The following LIMS1 variants were observed in gnomAD, a reference collection of about 807,000 sequenced individuals.
LIMS1 encodes LIM zinc finger domain containing 1, also known as LIM and senescent cell antigen-like-containing domain protein 1.
A neutral mutation model predicts 44.1 loss-of-function variants in LIMS1; 18 were observed. The observed-to-expected ratio is 0.41, with a 90% CI of 0.28 to 0.61. The LOEUF (loss-of-function observed/expected upper bound fraction) is 0.61, where lower values mean the gene tolerates loss of function less well. Ranked by LOEUF, LIMS1 falls within the 20% of genes least tolerant of loss-of-function variation. The pLI is 0.32. For missense variants in LIMS1, 201 were observed against 422.0 expected (o/e 0.48, Z 4.59); for synonymous variants, 93 against 149.1 (o/e 0.62, Z 2.74).
At position 108,680,365 on chromosome 2, in the gene LIMS1, CAAAAAAA is replaced by C. The variant is rs35982119; in HGVS notation, c.824-314_824-308del. Among the ~76,000 whole-genome samples, 111 of 68,210 alleles carry C rather than the reference CAAAAAAA, an allele frequency of 1.6e-3. No individual in the cohort carries two copies. In the East Asian group the frequency reaches 0.029, roughly 18 times the overall value. 44.7% of individuals were successfully genotyped at this position (68,210 alleles called of 152,430 possible). A position where few individuals can be genotyped will look rare whatever the true frequency, so the allele number is the denominator to read the frequency against. On this transcript the variant is annotated intron_variant, in intron 8 of 9. Transcript: ENST00000544547. ...CTGGCAACAGAGCGAGATTCCGTCT[CAAAAAAA>C]AAAAAAAAAAAAAAATTAGCCAGGT...
intron 8 of LIMS1, chr2:108,678,300 C>T: frequency 1.8e-6 from 1 of 563,188 alleles, no homozygotes; most frequent in East Asian, 3.3e-5. Flanking sequence ...ACCCTAAGAC[C>T]TGTTTGTGTC....
At chr2:108,642,214 C>T (rs957694798) in intron 1 of LIMS1, among the ~76,000 whole-genome samples, 1 of 151,876 alleles carries the variant, frequency 6.6e-6, no homozygotes, top group Non-Finnish European at 1.5e-5. Context: ...TATTGGAGTC[C>T]TGTATTTTAG....
intron 1 of LIMS1, among the ~76,000 whole-genome samples, chr2:108,552,948 A>G (rs1265526606): frequency 6.6e-6 from 1 of 152,158 alleles, no homozygotes; most frequent in Non-Finnish European, 1.5e-5. Context: ...ATTGGGGAAA[A>G]TGAAGGATAT....
intron 1 of LIMS1, among the ~76,000 whole-genome samples, chr2:108,609,751 C>T (rs1687483357): frequency 1.3e-5 from 2 of 152,168 alleles, no homozygotes; most frequent in African/African-American, 4.8e-5. Flanking sequence ...GCTGTCGGTG[C>T]ATCACACTGC....
intron 1 of LIMS1, among the ~76,000 whole-genome samples, chr2:108,564,300 A>G (rs1685221649): frequency 6.6e-6 from 1 of 152,192 alleles, no homozygotes; most frequent in Non-Finnish European, 1.5e-5. Context: ...CACTTTAGAC[A>G]TAATGCTCTT....
intron 1 of LIMS1, among the ~76,000 whole-genome samples, chr2:108,609,518 G>A (rs1687473591): frequency 6.6e-6 from 1 of 152,098 alleles, no homozygotes; most frequent in South Asian, 2.1e-4. Flanking sequence ...CTGTTCCCTG[G>A]CTCACTTCTC....
chr2:108,539,899 G>C (rs1351512613), intron 1 of LIMS1, among the ~76,000 whole-genome samples: 1 of 151,904 alleles, frequency 6.6e-6, no homozygotes, highest in Non-Finnish European at 1.5e-5. Flanking sequence ...CCACCTTCTT[G>C]CTGAGTTCTT....
chr2:108,631,550 C>CTTTTTTTTTTTTTTTTTTTTTT (rs67517304), intron 1 of LIMS1, among the ~76,000 whole-genome samples: 2 of 143,068 alleles, frequency 1.4e-5, no homozygotes, highest in Non-Finnish European at 3.1e-5. Flanking sequence ...ACCGTGTTGC[C>CTTTTTTTTTTTTTTTTTTTTTT]TTTTTTTTTT....
chr2:108,577,432 G>A (rs1339369057), intron 1 of LIMS1, among the ~76,000 whole-genome samples: 3 of 152,196 alleles, frequency 2.0e-5, no homozygotes, highest in Non-Finnish European at 4.4e-5. Context: ...AGTTACTCCG[G>A]GCTCTGCCTT....
chr2:108,631,111 TAAGAATGGGGTAGACTAGCCTCTGGCTTA>T (rs1409168718), intron 1 of LIMS1, among the ~76,000 whole-genome samples: 1 of 152,182 alleles, frequency 6.6e-6, no homozygotes, highest in South Asian at 2.1e-4. Flanking sequence ...GCCTCTGGCT[TAAGAATGGGGTAGACTAGCCTCTGGCTTA>T]AAGAATGGGG....
intron 2 of LIMS1, among the ~76,000 whole-genome samples, chr2:108,669,397 G>A (rs1201112552): frequency 6.6e-6 from 1 of 151,652 alleles, no homozygotes; most frequent in Admixed American, 6.6e-5. Flanking sequence ...AACAGAGCGA[G>A]ACTCTGGGAA....
chr2:108,602,517 A>T (rs773107382), intron 1 of LIMS1, among the ~76,000 whole-genome samples: 3 of 152,182 alleles, frequency 2.0e-5, no homozygotes, highest in Non-Finnish European at 4.4e-5. Flanking sequence ...GTCAAATTTT[A>T]TCAAATGCTT....
intron 1 of LIMS1, among the ~76,000 whole-genome samples, chr2:108,563,014 T>C (rs532858003): frequency 6.6e-6 from 1 of 152,332 alleles, no homozygotes; most frequent in East Asian, 1.9e-4. Flanking sequence ...CTGCCTCTGC[T>C]CTATAAATGG....
intron 1 of LIMS1, chr2:108,621,312 A>G (rs1053706796): frequency 1.7e-5 from 27 of 1,549,720 alleles, no homozygotes; most frequent in Non-Finnish European, 2.4e-5. Flanking sequence ...ACTGCTGAGC[A>G]TAAATGCTTT....
At chr2:108,666,023 C>T (rs1441878231) in intron 2 of LIMS1, among the ~76,000 whole-genome samples, 2 of 49,630 alleles carry the variant, frequency 4.0e-5, no homozygotes, top group Non-Finnish European at 1.0e-4. Context: ...TGTGACCAAA[C>T]GTGTGGGAAC....
chr2:108,539,409 G>T (rs1428032830), intron 1 of LIMS1, among the ~76,000 whole-genome samples: 1 of 152,154 alleles, frequency 6.6e-6, no homozygotes, highest in African/African-American at 2.4e-5. Flanking sequence ...AGCTTTCTGA[G>T]TGTAGAGTTA....
chr2:108,542,826 G>A (rs973365726), intron 1 of LIMS1, among the ~76,000 whole-genome samples: 3 of 152,104 alleles, frequency 2.0e-5, no homozygotes, highest in Non-Finnish European at 4.4e-5. Context: ...ACACCTATTA[G>A]GCTTTCTTTT....
At chr2:108,578,788 G>A (rs1685773913) in intron 1 of LIMS1, among the ~76,000 whole-genome samples, 1 of 151,866 alleles carries the variant, frequency 6.6e-6, no homozygotes, top group African/African-American at 2.4e-5. Context: ...TAGAGATGGG[G>A]TTTCACTGTG....
At chr2:108,642,382 C>T (rs1402824460) in intron 1 of LIMS1, among the ~76,000 whole-genome samples, 3 of 105,742 alleles carry the variant, frequency 2.8e-5, no homozygotes, top group Admixed American at 2.5e-4. Context: ...TTTTTTGAGA[C>T]GGAGTCTCGC....
Sources: gnomAD v4.1 joint callset for allele counts (sites outside exome capture counted in the v4.1 genomes callset) on GRCh38, gnomAD v4.1.1 for gene constraint, MANE v1.5 for transcripts, NCBI Gene and HGNC (gene_info 2026-07-23, HGNC 2026-07-21) for gene names.